The following MYOZ3 variants were observed in gnomAD, a reference collection of about 807,000 sequenced individuals.
The protein encoded by MYOZ3 is myozenin-3.
In MYOZ3, 19 loss-of-function variants were observed where a neutral mutation model predicts 26.5. The observed-to-expected ratio is 0.72, with a 90% CI of 0.50 to 1.05. The LOEUF (loss-of-function observed/expected upper bound fraction) is 1.05. Among genes scored for constraint, MYOZ3 ranks in the 50% least tolerant of loss-of-function variants. The pLI is 0.00. For synonymous variants in MYOZ3, 135 were observed against 138.8 expected, an observed-to-expected ratio of 0.97 and a Z score of 0.19; for missense variants, 322 against 337.1, an observed-to-expected ratio of 0.96 and a Z score of 0.35.
chr5:150,672,904 G>A, intron 6 of MYOZ3: 1 of 188,162 alleles, frequency 5.3e-6, no homozygotes, highest in Non-Finnish European at 1.1e-5. Context: ...CTCCATGGCT[G>A]CTGTGTGCTA....
At chr5:150,665,459 T>C (rs997858003) in intron 2 of MYOZ3, among the ~76,000 whole-genome samples, 36 of 152,326 alleles carry the variant, frequency 2.4e-4, no homozygotes, top group Non-Finnish European at 4.6e-4. Flanking sequence ...ACCACGAGAC[T>C]GAGTCCCAGT....
intron 2 of MYOZ3, among the ~76,000 whole-genome samples, chr5:150,664,575 T>C (rs75002770): frequency 3.3e-5 from 5 of 152,268 alleles, no homozygotes; most frequent in Non-Finnish European, 5.9e-5. Context: ...ATGTGGCAGA[T>C]ACTTTGCTAA....
At chr5:150,664,960 A>G (rs1466717891) in intron 2 of MYOZ3, among the ~76,000 whole-genome samples, 2 of 152,020 alleles carry the variant, frequency 1.3e-5, no homozygotes, top group East Asian at 3.8e-4. Context: ...TCATATATGA[A>G]TGTCTTTATA....
rs1252381479 is a variant in MYOZ3, at chr5:150,678,589, G to T, written c.*1714G>T. 6.6e-6 allele frequency: 1 copy of T among 152,354 alleles called. No individual in the cohort carries two copies. Among genetic ancestry groups the T allele is most frequent in the African/African-American group, 2.4e-5 (1 of 41,450 alleles). The allele number at this position is 152,354 out of a possible 1,614,324, so 9.4% of individuals were successfully genotyped here. ...GAGTTTAGAAGTTGAGTGCAGGCTT[G>T]GGAGTCAGACTGGATGGGGTAGGTT... On this transcript the variant is annotated 3_prime_UTR_variant, in exon 7 of 7. Coordinates refer to ENST00000517768, the MANE Select transcript of MYOZ3 (RefSeq NM_001122853.3).
At chr5:150,666,447 C>G (rs1227091729) in intron 2 of MYOZ3, among the ~76,000 whole-genome samples, 1 of 151,812 alleles carries the variant, frequency 6.6e-6, no homozygotes, top group Admixed American at 6.6e-5. Context: ...AACCCCATCT[C>G]TGCTAAAAAT....
chr5:150,665,243 G>C (rs1481424423), intron 2 of MYOZ3, among the ~76,000 whole-genome samples: 1 of 152,122 alleles, frequency 6.6e-6, no homozygotes, highest in Non-Finnish European at 1.5e-5. Context: ...TGCAGCCTAG[G>C]GTGGGGTACT....
At chr5:150,668,021 C>A (rs1299713419) in intron 2 of MYOZ3, among the ~76,000 whole-genome samples, 1 of 152,230 alleles carries the variant, frequency 6.6e-6, no homozygotes, top group Non-Finnish European at 1.5e-5. Context: ...TCATCAGCAT[C>A]CAAACAAGGG....
chr5:150,665,456 G>A (rs1378100217), intron 2 of MYOZ3, among the ~76,000 whole-genome samples: 1 of 152,154 alleles, frequency 6.6e-6, no homozygotes, highest in Non-Finnish European at 1.5e-5. Flanking sequence ...TCCACCACGA[G>A]ACTGAGTCCC....
rs1491026584 is a variant in MYOZ3, at chr5:150,679,325, AAG to A, written c.*2452_*2453del. 6.6e-5 allele frequency: 10 copies of A among 152,388 alleles called. No homozygotes were observed. In the East Asian group the frequency reaches 1.9e-3, roughly 29 times the overall value. The allele number at this position is 152,388 out of a possible 1,614,324, so 9.4% of individuals were successfully genotyped here. A position where few individuals can be genotyped will look rare whatever the true frequency, so the allele number is the denominator to read the frequency against. On this transcript the variant is annotated 3_prime_UTR_variant, in exon 7 of 7. Transcript: ENST00000517768. ...CTGGTGTTGTAAAAAAGAAAAAAAA[AAG>A]AATGCTCATTGTAAAAATAAAAAAA...
chr5:150,676,274 G>C (rs192907894), intron 6 of MYOZ3, among the ~76,000 whole-genome samples: 1 of 152,080 alleles, frequency 6.6e-6, no homozygotes, highest in Non-Finnish European at 1.5e-5. Flanking sequence ...TGCTGGGTGC[G>C]GTGGCTCACG....
At chr5:150,675,816 G>A (rs532166371) in intron 6 of MYOZ3, among the ~76,000 whole-genome samples, 27 of 152,320 alleles carry the variant, frequency 1.8e-4, no homozygotes, top group South Asian at 8.3e-4. Flanking sequence ...GCTTTCCTAA[G>A]CCATATGCTC....
chr5:150,672,863 T>G (rs923108650), intron 6 of MYOZ3: 1 of 239,086 alleles, frequency 4.2e-6, no homozygotes, highest in Non-Finnish European at 8.0e-6. Context: ...CAGGTCTGGG[T>G]TTGTCTGACT....
chr5:150,662,801 C>T, intron 1 of MYOZ3, 140 bp from the exon 2 acceptor site: 1 of 715,064 alleles, frequency 1.4e-6, no homozygotes, highest in Non-Finnish European at 2.4e-6. Flanking sequence ...AAGTCCCTTC[C>T]AGCTCAGACA....
Position 150,672,463 on chromosome 5 carries a change from G to A in MYOZ3, c.548G>A (p.Ser183Asn), listed in dbSNP as rs776155559. The change falls in exon 6 of 7, where the codon AGT (serine) becomes AAT (asparagine). Residue 183 changes from serine (S) to asparagine (N), a missense_variant. By Grantham distance (46) the Ser-to-Asn change is conservative (BLOSUM62 1). Coordinates refer to ENST00000517768, the MANE Select transcript of MYOZ3 (RefSeq NM_001122853.3). ...CGGGACTACCAGAGCGATGGCCGAA[G>A]TCACACCCCCAGCCCCAACGACTAC... ...SYRDYQSDGR[S>N]HTPSPNDYRN... 3.1e-6 allele frequency: 5 copies of A among 1,604,360 alleles called. No individual in the cohort carries two copies. The highest frequency in any genetic ancestry group is 2.2e-5 in the East Asian group (1 of 44,756).
chr5:150,665,740 T>TG (rs1758798335), intron 2 of MYOZ3, among the ~76,000 whole-genome samples: 1 of 151,968 alleles, frequency 6.6e-6, no homozygotes, highest in African/African-American at 2.4e-5. Flanking sequence ...TTTTTTTTTT[T>TG]AAATATTGAG....
intron 2 of MYOZ3, among the ~76,000 whole-genome samples, chr5:150,668,137 G>C (rs77723475): frequency 6.6e-6 from 1 of 152,252 alleles, no homozygotes; most frequent in East Asian, 1.9e-4. Flanking sequence ...AACCAGGCCA[G>C]TTGTCCTGTA....
chr5:150,677,452 A>C lies in MYOZ3; in HGVS notation c.*577A>C, dbSNP rs975819153. On this transcript the variant is annotated 3_prime_UTR_variant, in exon 7 of 7. Transcript: ENST00000517768. Reference sequence around the variant, plus strand: ...TCTCAAAAGTAAATAAATAAATAGCAACCAGTACTCCAGGTGATTCCAGCA... The same window carrying C: ...TCTCAAAAGTAAATAAATAAATAGCCACCAGTACTCCAGGTGATTCCAGCA... 2.0e-5 allele frequency: 3 copies of C among 152,768 alleles called. No homozygotes were observed. The highest frequency in any genetic ancestry group is 7.2e-5 in the African/African-American group (3 of 41,412). The allele number at this position is 152,768 out of a possible 1,614,324, so 9.5% of individuals were successfully genotyped here.
chr5:150,665,083 G>A (rs1000198252), intron 2 of MYOZ3, among the ~76,000 whole-genome samples: 2 of 149,074 alleles, frequency 1.3e-5, no homozygotes, highest in Non-Finnish European at 3.0e-5. Flanking sequence ...TTCCTTCCCC[G>A]TGCTTACCAG....
chr5:150,675,392 A>G (rs77841616), intron 6 of MYOZ3, among the ~76,000 whole-genome samples: 14,383 of 151,520 alleles, frequency 0.095, 2,008 homozygotes, highest in African/African-American at 0.3. Context: ...CGCGGGGTGG[A>G]GCAGAGTTTT....
Sources: allele counts gnomAD v4.1 joint callset (sites outside exome capture counted in the v4.1 genomes callset), GRCh38; gene constraint gnomAD v4.1.1; transcripts MANE v1.5; gene names NCBI Gene and HGNC (gene_info 2026-07-23, HGNC 2026-07-21).